Variants in CDH13 observed in about 807,000 individuals in gnomAD.
CDH13 encodes the protein cadherin 13, also known as cadherin-13.
Under a neutral mutation model 63.8 loss-of-function variants are expected in CDH13, and 24 were observed. That is an observed-to-expected ratio of 0.38 (90% CI 0.27 to 0.53). The LOEUF is 0.53. Ranked by LOEUF, CDH13 falls within the 20% of genes least tolerant of loss-of-function variation. The probability of loss-of-function intolerance (pLI) is 0.85; values close to 1 mark genes in which losing one functional copy is unlikely to be tolerated. For synonymous variants in CDH13, 503 were observed against 355.3 expected (o/e 1.42, Z -4.67); for missense variants, 1,049 against 903.1 (o/e 1.16, Z -2.07).
intron 5 of CDH13, among the ~76,000 whole-genome samples, chr16:83,223,529 C>T (rs1165957671): frequency 6.6e-6 from 1 of 152,188 alleles, no homozygotes; most frequent in Non-Finnish European, 1.5e-5. Flanking sequence ...CTCTTCCTGC[C>T]ACTTTGCTCT....
At chr16:83,011,848 A>T (rs1286232687) in intron 2 of CDH13, among the ~76,000 whole-genome samples, 1 of 152,200 alleles carries the variant, frequency 6.6e-6, no homozygotes. Context: ...TCTTTGCTGG[A>T]TCTACCTTTC....
intron 5 of CDH13, among the ~76,000 whole-genome samples, chr16:83,326,671 C>T (rs189574068): frequency 8.5e-4 from 129 of 152,214 alleles, no homozygotes; most frequent in African/African-American, 3.0e-3. Flanking sequence ...TACACTTTGT[C>T]TCTGCATGGC....
chr16:83,013,294 G>A (rs1914346788), intron 2 of CDH13, among the ~76,000 whole-genome samples: 1 of 152,166 alleles, frequency 6.6e-6, no homozygotes, highest in Non-Finnish European at 1.5e-5. Flanking sequence ...GATTTGACAT[G>A]CAGGTTGTAG....
At chr16:82,803,254 AAAAGAC>A (rs1420041393) in intron 1 of CDH13, among the ~76,000 whole-genome samples, 1 of 152,228 alleles carries the variant, frequency 6.6e-6, no homozygotes, top group African/African-American at 2.4e-5. Context: ...GTGGAGAGGT[AAAAGAC>A]ATAAGATGAT....
chr16:83,475,299 G>A (rs931406), intron 6 of CDH13, among the ~76,000 whole-genome samples: 39,416 of 152,046 alleles, frequency 0.26, 5,414 homozygotes, highest in African/African-American at 0.34. Flanking sequence ...GCTGTGTGTC[G>A]TTTCTGACTG....
chr16:83,469,417 C>T (rs1307841322), intron 6 of CDH13, among the ~76,000 whole-genome samples: 6 of 152,124 alleles, frequency 3.9e-5, no homozygotes, highest in East Asian at 1.9e-4. Context: ...GGTCGGGGGT[C>T]GAGCAGGCCT....
At chr16:83,560,754 T>A (rs2075688429) in intron 7 of CDH13, among the ~76,000 whole-genome samples, 1 of 152,238 alleles carries the variant, frequency 6.6e-6, no homozygotes, top group South Asian at 2.1e-4. Flanking sequence ...TTACTAAGTC[T>A]CTCCAAGTTT....
At chr16:82,972,856 C>G in intron 2 of CDH13, among the ~76,000 whole-genome samples, 1 of 152,064 alleles carries the variant, frequency 6.6e-6, no homozygotes, top group Non-Finnish European at 1.5e-5. Flanking sequence ...TACCTTTTTA[C>G]CATTTAAGGT....
rs991804067 is a variant in CDH13, at chr16:83,500,225, T to C, written c.960+13570T>C. ...ACATTTGAATTCAGACACTAGTTTC[T>C]TTCTTCTCCTTCTTCTTCTTCTTCT... On this transcript the variant is annotated intron_variant, in intron 7 of 13. Coordinates refer to ENST00000567109, the MANE Select transcript of CDH13 (RefSeq NM_001257.5). Among the ~76,000 whole-genome samples the C allele has an allele frequency of 6.3e-5, 2 of 31,566 alleles. 1 individual carries two copies. Among genetic ancestry groups the C allele is most frequent in the Non-Finnish European group, 1.3e-4 (2 of 14,856 alleles). The allele number at this position is 31,566 out of a possible 152,430, so 20.7% of individuals were successfully genotyped here.
At chr16:83,131,988 G>A (rs2036075491) in intron 4 of CDH13, among the ~76,000 whole-genome samples, 1 of 152,194 alleles carries the variant, frequency 6.6e-6, no homozygotes, top group African/African-American at 2.4e-5. Flanking sequence ...GCTTTGCCAT[G>A]TTCCTCAGTG....
At position 83,171,442 on chromosome 16, in the gene CDH13, C is replaced by G. The variant is rs574989006; in HGVS notation, c.484-45903C>G. On this transcript the variant is annotated intron_variant, in intron 4 of 13. Coordinates refer to ENST00000567109, the MANE Select transcript of CDH13 (RefSeq NM_001257.5). ...TGAGATTTGGGTGAGGACACAGATC[C>G]AAACCATATCAAAAGCTTTTCTAAT... 20 of 1,223,434 alleles carry G rather than the reference C, an allele frequency of 1.6e-5. 1 individual carries two copies. In the African/African-American group the frequency reaches 2.1e-4, roughly 13 times the overall value. 75.8% of individuals were successfully genotyped at this position (1,223,434 alleles called of 1,614,324 possible).
At chr16:83,559,320 C>T (rs1355524931) in intron 7 of CDH13, among the ~76,000 whole-genome samples, 1 of 152,020 alleles carries the variant, frequency 6.6e-6, no homozygotes, top group Non-Finnish European at 1.5e-5. Context: ...ACCTGTAATC[C>T]CAACACTTTG....
chr16:83,790,095 T>G (rs1267098893), intron 13 of CDH13: 1 of 152,230 alleles, frequency 6.6e-6, no homozygotes, highest in Admixed American at 6.5e-5. Flanking sequence ...TTTTCTGTAT[T>G]TTCTTCAGTG....
intron 11 of CDH13, among the ~76,000 whole-genome samples, chr16:83,770,086 C>T (rs1437091649): frequency 1.3e-5 from 2 of 152,148 alleles, no homozygotes; most frequent in African/African-American, 4.8e-5. Flanking sequence ...GACCCTGTTT[C>T]TCATTGCATC....
intron 3 of CDH13, among the ~76,000 whole-genome samples, chr16:83,036,367 G>A (rs1405878617): frequency 6.6e-6 from 1 of 151,794 alleles, no homozygotes; most frequent in Non-Finnish European, 1.5e-5. Flanking sequence ...CCAGGCTGGT[G>A]TTGAATTCCT....
intron 1 of CDH13, among the ~76,000 whole-genome samples, chr16:82,653,838 G>A (rs1477093875): frequency 6.6e-6 from 1 of 152,170 alleles, no homozygotes; most frequent in Admixed American, 6.5e-5. Context: ...GATGCCTTTT[G>A]CAGTAGTTCC....
chr16:82,919,443 A>G (rs1186353576), intron 2 of CDH13, among the ~76,000 whole-genome samples: 1 of 152,104 alleles, frequency 6.6e-6, no homozygotes, highest in Non-Finnish European at 1.5e-5. Flanking sequence ...TCCAACTTAT[A>G]AGTGAGAACT....
At position 83,795,425 on chromosome 16, in the gene CDH13, T is replaced by C. The variant is rs1904276525; in HGVS notation, c.*395T>C. On this transcript the variant is annotated 3_prime_UTR_variant, in exon 14 of 14. Transcript: ENST00000567109. Reference sequence around the variant, plus strand: ...TGTATGTATATATACACGGTATTTATAGAGAGAGACTATCCTGGAGAAGCC... The same window carrying C: ...TGTATGTATATATACACGGTATTTACAGAGAGAGACTATCCTGGAGAAGCC... 1.1e-5 allele frequency: 2 copies of C among 173,930 alleles called. No homozygotes were observed. The highest frequency in any genetic ancestry group is 2.9e-4 in the South Asian group (2 of 6,786). The allele number at this position is 173,930 out of a possible 1,614,324, so 10.8% of individuals were successfully genotyped here.
At chr16:83,657,039 C>T (rs1912931476) in intron 8 of CDH13, among the ~76,000 whole-genome samples, 1 of 152,198 alleles carries the variant, frequency 6.6e-6, no homozygotes, top group South Asian at 2.1e-4. Context: ...TCAGGGCACT[C>T]AGTTGGGCTT....
Sources: allele counts gnomAD v4.1 joint callset (sites outside exome capture counted in the v4.1 genomes callset), GRCh38; gene constraint gnomAD v4.1.1; transcripts MANE v1.5; gene names NCBI Gene and HGNC (gene_info 2026-07-23, HGNC 2026-07-21).